ANKRD31: variants seen among roughly 807,000 people sequenced by gnomAD.
ANKRD31 encodes ankyrin repeat domain-containing protein 31.
A neutral mutation model predicts 186.0 loss-of-function variants in ANKRD31; 147 were observed. The observed-to-expected ratio is 0.79, with a 90% CI of 0.69 to 0.91. The LOEUF is 0.91. ANKRD31 is among the 40% of genes least tolerant of loss of function. The probability of loss-of-function intolerance (pLI) is 0.00; values close to 1 mark genes in which losing one functional copy is unlikely to be tolerated. For missense variants in ANKRD31, 1,986 were observed against 2,148.8 expected, an observed-to-expected ratio of 0.92 and a Z score of 1.50; for synonymous variants, 673 against 736.4, an observed-to-expected ratio of 0.91 and a Z score of 1.39.
chr5:75,134,587 G>A (rs574456847), intron 17 of ANKRD31, among the ~76,000 whole-genome samples: 5 of 152,224 alleles, frequency 3.3e-5, no homozygotes, highest in African/African-American at 7.2e-5. Flanking sequence ...CCAGAGGTAC[G>A]AAGAGGAGCT....
chr5:75,160,998 G>C (rs553280562), intron 11 of ANKRD31, among the ~76,000 whole-genome samples: 3 of 152,110 alleles, frequency 2.0e-5, no homozygotes, highest in African/African-American at 7.2e-5. Flanking sequence ...CCCAGTCTTG[G>C]GTATGTCTTT....
rs1747140248 is a variant in ANKRD31 at position 75,104,210 on chromosome 5, G to C, written c.5331+18C>G. On this transcript the variant is annotated intron_variant, in intron 22 of 25. Coordinates refer to ENST00000506364, the MANE Select transcript of ANKRD31 (RefSeq NM_001372053.1). The stretch of plus-strand genomic sequence containing the variant: ...TTTATAAAATTTGCATGATTTTAGA[G>C]AAAAAAATATAGAATACCTGTGTTT... 1.4e-6 allele frequency: 2 copies of C among 1,457,616 alleles called. No individual in the cohort carries two copies. Among genetic ancestry groups the C allele is most frequent in the Non-Finnish European group, 1.8e-6 (2 of 1,107,030 alleles). The allele number at this position is 1,457,616 out of a possible 1,614,324, so 90.3% of individuals were successfully genotyped here.
At chr5:75,133,660 G>C (rs10871072) in intron 17 of ANKRD31, among the ~76,000 whole-genome samples, 40 of 151,930 alleles carry the variant, frequency 2.6e-4, no homozygotes, top group African/African-American at 9.2e-4. Context: ...CTGCATCAAG[G>C]GGACCTAATA....
At chr5:75,198,039 G>C (rs1363122616) in intron 6 of ANKRD31, among the ~76,000 whole-genome samples, 10 of 152,116 alleles carry the variant, frequency 6.6e-5, no homozygotes, top group Non-Finnish European at 1.3e-4. Flanking sequence ...GAAATGACTG[G>C]AACCTGACCA....
At chr5:75,126,455 G>T (rs1379267028) in intron 17 of ANKRD31, among the ~76,000 whole-genome samples, 1 of 152,004 alleles carries the variant, frequency 6.6e-6, no homozygotes, top group Non-Finnish European at 1.5e-5. Context: ...AAAAAAGTTT[G>T]TTCCTTTTAA....
At chr5:75,097,127 CAT>C (rs1191758150) in intron 22 of ANKRD31, among the ~76,000 whole-genome samples, 3 of 152,142 alleles carry the variant, frequency 2.0e-5, no homozygotes, top group Admixed American at 6.6e-5. Flanking sequence ...CATACATATG[CAT>C]GTGTCTTTAT....
At position 75,125,565 on chromosome 5, in the gene ANKRD31, T is replaced by C. The variant is rs370044431; in HGVS notation, c.3877-7268A>G. Among the ~76,000 whole-genome samples, 11 of 152,290 alleles carry C rather than the reference T, an allele frequency of 7.2e-5. No homozygotes were observed. In the East Asian group the frequency reaches 2.1e-3, roughly 29 times the overall value. On this transcript the variant is annotated intron_variant, in intron 17 of 25. Transcript: ENST00000506364. Reference sequence around the variant, plus strand: ...TCAGAAAAGTAAACTTCTAGAGTCTTAAAAACATATGCTATATTAATAATG... The same window carrying C: ...TCAGAAAAGTAAACTTCTAGAGTCTCAAAAACATATGCTATATTAATAATG...
At chr5:75,124,330 G>A (rs1488902850) in intron 17 of ANKRD31, among the ~76,000 whole-genome samples, 3 of 152,250 alleles carry the variant, frequency 2.0e-5, no homozygotes, top group South Asian at 4.1e-4. Flanking sequence ...TACACTGTTG[G>A]TGGGAATGCA....
intron 20 of ANKRD31, among the ~76,000 whole-genome samples, chr5:75,110,292 C>T (rs1173539782): frequency 6.6e-6 from 1 of 152,052 alleles, no homozygotes; most frequent in Non-Finnish European, 1.5e-5. Context: ...AGACAAGTGG[C>T]TGAAAAAGTA....
chr5:75,185,600 C>G (rs190553820), intron 10 of ANKRD31, among the ~76,000 whole-genome samples: 1 of 151,742 alleles, frequency 6.6e-6, no homozygotes, highest in Non-Finnish European at 1.5e-5. Context: ...TGATGGTGTC[C>G]TATTGAAGAG....
chr5:75,154,375 C>T, intron 11 of ANKRD31, 30 bp from the exon 12 acceptor site: 1 of 1,512,338 alleles, frequency 6.6e-7, no homozygotes, highest in Non-Finnish European at 8.8e-7. Flanking sequence ...GTAAGGGAAC[C>T]CAGATTGAGG....
chr5:75,233,690 G>A (rs1305765599), intron 1 of ANKRD31, among the ~76,000 whole-genome samples: 1 of 152,036 alleles, frequency 6.6e-6, no homozygotes, highest in Non-Finnish European at 1.5e-5. Flanking sequence ...CTGAAGTGGG[G>A]AGATCACTTG....
intron 23 of ANKRD31, among the ~76,000 whole-genome samples, chr5:75,087,344 T>G (rs10440682): frequency 0.26 from 39,581 of 151,710 alleles, 6,467 homozygotes; most frequent in African/African-American, 0.47. Context: ...CCGTCTCTAC[T>G]AAAAATACAA....
chr5:75,168,561 C>T (rs1753087325), intron 11 of ANKRD31, among the ~76,000 whole-genome samples: 1 of 152,084 alleles, frequency 6.6e-6, no homozygotes, highest in South Asian at 2.1e-4. Flanking sequence ...TTAAGCTGAA[C>T]TGATCAGAAA....
rs528252764 is a variant in ANKRD31, at chr5:75,220,019, C to T, written c.288+2230G>A. The stretch of plus-strand genomic sequence containing the variant: ...ATGGATTAAAGATCTAAATATAAAA[C>T]GTAAAACTATAGAAACCCTGAAAGA... On this transcript the variant is annotated intron_variant, in intron 3 of 25. Coordinates refer to ENST00000506364, the MANE Select transcript of ANKRD31 (RefSeq NM_001372053.1). Among the ~76,000 whole-genome samples, 58 of 152,168 alleles carry T rather than the reference C, an allele frequency of 3.8e-4. No homozygotes were observed. In the South Asian group the frequency reaches 4.8e-3, roughly 13 times the overall value.
intron 3 of ANKRD31, among the ~76,000 whole-genome samples, chr5:75,216,875 C>T (rs1158120677): frequency 6.6e-6 from 1 of 152,126 alleles, no homozygotes; most frequent in African/African-American, 2.4e-5. Context: ...CTATAAATCT[C>T]TTTCTTAACA....
At chr5:75,142,490 TC>T (rs898757530) in intron 15 of ANKRD31, among the ~76,000 whole-genome samples, 1 of 152,144 alleles carries the variant, frequency 6.6e-6, no homozygotes, top group Non-Finnish European at 1.5e-5. Context: ...CTCTTATTGT[TC>T]CCTCTTTTCT....
At chr5:75,074,322 C>T (rs1361585682) in intron 25 of ANKRD31, among the ~76,000 whole-genome samples, 1 of 152,190 alleles carries the variant, frequency 6.6e-6, no homozygotes, top group African/African-American at 2.4e-5. Context: ...TCATCTTAAT[C>T]TTTTCTGCTC....
At chr5:75,236,516 C>G in intron 1 of ANKRD31, 67 bp downstream of exon 1, 1 of 1,337,530 alleles carries the variant, frequency 7.5e-7, no homozygotes, top group Non-Finnish European at 1.0e-6. Flanking sequence ...AAACTCTGAC[C>G]CCCTCAGAGG....
Sources: allele counts gnomAD v4.1 joint callset (sites outside exome capture counted in the v4.1 genomes callset), GRCh38; gene constraint gnomAD v4.1.1; transcripts MANE v1.5; gene names NCBI Gene and HGNC (gene_info 2026-07-23, HGNC 2026-07-21).